Variants in TRDMT1 observed in about 807,000 individuals in gnomAD.
The protein encoded by TRDMT1 is tRNA (cytosine(38)-C(5))-methyltransferase.
Under a neutral mutation model 51.2 loss-of-function variants are expected in TRDMT1, and 49 were observed. That is an observed-to-expected ratio of 0.96 (90% CI 0.76 to 1.21). TRDMT1 has a LOEUF of 1.21. Among genes scored for constraint, TRDMT1 ranks in the 50% most tolerant of loss-of-function variants. TRDMT1 has a pLI of 0.00. For missense variants in TRDMT1, 534 were observed against 462.3 expected, an observed-to-expected ratio of 1.16 and a Z score of -1.42; for synonymous variants, 187 against 164.6, an observed-to-expected ratio of 1.14 and a Z score of -1.04.
intron 1 of TRDMT1, among the ~76,000 whole-genome samples, chr10:17,176,477 C>A (rs1381934896): frequency 6.6e-6 from 1 of 152,050 alleles, no homozygotes; most frequent in Admixed American, 6.6e-5. Context: ...ATATGGTGAT[C>A]CAAAAACTGA....
intron 1 of TRDMT1, among the ~76,000 whole-genome samples, chr10:17,179,384 G>T (rs1241228059): frequency 6.6e-6 from 1 of 151,868 alleles, no homozygotes; most frequent in African/African-American, 2.4e-5. Context: ...GAGGATGCAG[G>T]GACCTCAATT....
At chr10:17,170,746 T>C (rs919428274) in intron 2 of TRDMT1, among the ~76,000 whole-genome samples, 3 of 152,232 alleles carry the variant, frequency 2.0e-5, no homozygotes, top group African/African-American at 4.8e-5. Flanking sequence ...GTGAGTTATA[T>C]AGATTTCTTG....
At position 17,148,602 on chromosome 10, in the gene TRDMT1, A is replaced by G; in HGVS notation, c.*438T>C. ...TAAAGAAATATTTACAGGATTGGAA[A>G]TTAAGTAAAACATTCAATGGGCTAG... On this transcript the variant is annotated 3_prime_UTR_variant, in exon 11 of 11. Coordinates refer to ENST00000377799, the MANE Select transcript of TRDMT1 (RefSeq NM_004412.7). 1 of 975,562 alleles carries G rather than the reference A, an allele frequency of 1.0e-6. No individual in the cohort carries two copies. The highest frequency in any genetic ancestry group is 4.7e-5 in the South Asian group (1 of 21,102). 60.4% of individuals were successfully genotyped at this position (975,562 alleles called of 1,614,324 possible).
At position 17,148,501 on chromosome 10, in the gene TRDMT1, C is replaced by A. The variant is rs1031359393; in HGVS notation, c.*539G>T. Reference sequence around the variant, plus strand: ...AAACATTTAGGATTATTTTTCCTGACATATTCTTCAGTCTGCTGTATAAAC... The same window carrying A: ...AAACATTTAGGATTATTTTTCCTGAAATATTCTTCAGTCTGCTGTATAAAC... On this transcript the variant is annotated 3_prime_UTR_variant, in exon 11 of 11. Transcript: ENST00000377799. 1.0e-6 allele frequency: 1 copy of A among 985,274 alleles called. No individual in the cohort carries two copies. The highest frequency in any genetic ancestry group is 1.2e-6 in the Non-Finnish European group (1 of 829,932). 61.0% of individuals were successfully genotyped at this position (985,274 alleles called of 1,614,324 possible).
intron 1 of TRDMT1, among the ~76,000 whole-genome samples, chr10:17,178,679 A>C (rs1364569661): frequency 2.3e-5 from 2 of 88,206 alleles, no homozygotes; most frequent in East Asian, 4.3e-4. Context: ...CTGTCTCGGA[A>C]AAAAAAAAAA....
chr10:17,143,826 G>T lies in TRDMT1; in HGVS notation c.*5214C>A. 1.0e-6 allele frequency: 1 copy of T among 985,440 alleles called. No individual in the cohort carries two copies. The highest frequency in any genetic ancestry group is 1.2e-6 in the Non-Finnish European group (1 of 829,932). 61.0% of individuals were successfully genotyped at this position (985,440 alleles called of 1,614,324 possible). On this transcript the variant is annotated 3_prime_UTR_variant, in exon 11 of 11. Transcript: ENST00000377799. Reference sequence around the variant, plus strand: ...TTGGTTATGAAGCTTGAACTTGGAAGATGTGGAGACTAACCGTACCATAAA... The same window carrying T: ...TTGGTTATGAAGCTTGAACTTGGAATATGTGGAGACTAACCGTACCATAAA...
At chr10:17,185,621 G>A (rs928747142) in intron 1 of TRDMT1, among the ~76,000 whole-genome samples, 4 of 152,028 alleles carry the variant, frequency 2.6e-5, no homozygotes, top group Admixed American at 6.6e-5. Flanking sequence ...TGTTTATTGC[G>A]GCACTATTCA....
chr10:17,149,009 C>T lies in TRDMT1; in HGVS notation c.*31G>A, dbSNP rs757291640. ...TTACTCTCTGAAAATGAAGGAATAT[C>T]ATATGACCATCTTTCAGAGTTATTT... On this transcript the variant is annotated 3_prime_UTR_variant, in exon 11 of 11. Coordinates refer to ENST00000377799, the MANE Select transcript of TRDMT1 (RefSeq NM_004412.7). 3 of 1,567,286 alleles carry T rather than the reference C, an allele frequency of 1.9e-6. No homozygotes were observed. Among genetic ancestry groups the T allele is most frequent in the Non-Finnish European group, 2.6e-6 (3 of 1,155,894 alleles).
chr10:17,164,537 A>G (rs1487461214), intron 3 of TRDMT1, among the ~76,000 whole-genome samples: 2 of 152,182 alleles, frequency 1.3e-5, no homozygotes. Context: ...GGCAGGAGAA[A>G]GAAATAAAGG....
intron 5 of TRDMT1, among the ~76,000 whole-genome samples, chr10:17,161,281 G>C (rs1588539597): frequency 6.6e-6 from 1 of 152,008 alleles, no homozygotes; most frequent in African/African-American, 2.4e-5. Flanking sequence ...AAATAGAAGA[G>C]AATCAGTTGA....
rs10709345 is a variant in TRDMT1, at chr10:17,179,754, T to TAAA, written c.65-5097_65-5095dup. The stretch of plus-strand genomic sequence containing the variant: ...ACTAGCTGATTCCAATCTCTACTAA[T>TAAA]AAAAAAAAAAAAAAAAAGGAAAAAC... On this transcript the variant is annotated intron_variant, in intron 1 of 10. Coordinates refer to ENST00000377799, the MANE Select transcript of TRDMT1 (RefSeq NM_004412.7). 9.3e-3 allele frequency among the ~76,000 whole-genome samples: 1,179 copies of TAAA among 126,966 alleles called. 16 individuals carry two copies. Among genetic ancestry groups the TAAA allele is most frequent in the African/African-American group, 0.032 (1,094 of 34,530 alleles). 83.3% of individuals were successfully genotyped at this position (126,966 alleles called of 152,430 possible).
At chr10:17,194,965 C>T (rs1430472409) in intron 1 of TRDMT1, among the ~76,000 whole-genome samples, 2 of 119,424 alleles carry the variant, frequency 1.7e-5, no homozygotes, top group Non-Finnish European at 1.7e-5. Flanking sequence ...AAAAAAAAAA[C>T]GCAGATGCTG....
chr10:17,144,626 T>C lies in TRDMT1; in HGVS notation c.*4414A>G, dbSNP rs11254398. 146,788 of 985,232 alleles carry C rather than the reference T, an allele frequency of 0.15. 11,098 individuals are homozygous for C. The highest frequency in any genetic ancestry group is 0.17 in the Admixed American group (2,794 of 16,270). 61.0% of individuals were successfully genotyped at this position (985,232 alleles called of 1,614,324 possible). A position where few individuals can be genotyped will look rare whatever the true frequency, so the allele number is the denominator to read the frequency against. Reference sequence around the variant, plus strand: ...AATACAAAGCCAAAACAGCTCATTGTACATGCTCATATTTCTTGAACAAAT... The same window carrying C: ...AATACAAAGCCAAAACAGCTCATTGCACATGCTCATATTTCTTGAACAAAT... On this transcript the variant is annotated 3_prime_UTR_variant, in exon 11 of 11. Coordinates refer to ENST00000377799, the MANE Select transcript of TRDMT1 (RefSeq NM_004412.7).
chr10:17,147,146 G>C lies in TRDMT1; in HGVS notation c.*1894C>G. ...TATAGCATAATTATTCATAGTTACA[G>C]TAAAACTCTAAACCATTTTATTTAG... On this transcript the variant is annotated 3_prime_UTR_variant, in exon 11 of 11. Transcript: ENST00000377799. The C allele has an allele frequency of 1.0e-6, 1 of 985,704 alleles. No individual in the cohort carries two copies. The highest frequency in any genetic ancestry group is 1.2e-6 in the Non-Finnish European group (1 of 829,816). 61.1% of individuals were successfully genotyped at this position (985,704 alleles called of 1,614,324 possible). A position where few individuals can be genotyped will look rare whatever the true frequency, so the allele number is the denominator to read the frequency against.
At chr10:17,173,672 A>G (rs1013584821) in intron 2 of TRDMT1, among the ~76,000 whole-genome samples, 1 of 152,120 alleles carries the variant, frequency 6.6e-6, no homozygotes, top group Non-Finnish European at 1.5e-5. Context: ...AAAATTACGT[A>G]CAATAAACTA....
In TRDMT1 at chr10:17,143,737, G is replaced by C; in HGVS notation, c.*5303C>G. 1.0e-6 allele frequency: 1 copy of C among 985,426 alleles called. No homozygotes were observed. The highest frequency in any genetic ancestry group is 1.7e-5 in the African/African-American group (1 of 57,364). 61.0% of individuals were successfully genotyped at this position (985,426 alleles called of 1,614,324 possible). ...ATGATCGTTCAGAGGCCTGCCTTAG[G>C]AAGGCCATTTTAACAGAAGCTGACC... On this transcript the variant is annotated 3_prime_UTR_variant, in exon 11 of 11. Transcript: ENST00000377799.
intron 1 of TRDMT1, among the ~76,000 whole-genome samples, chr10:17,185,750 T>C (rs1843804866): frequency 6.6e-6 from 1 of 152,108 alleles, no homozygotes; most frequent in Non-Finnish European, 1.5e-5. Context: ...GTTCATGTCC[T>C]TTGTAGGGAC....
rs568049184 is a variant in TRDMT1 at position 17,141,963 on chromosome 10, C to T, written c.*7077G>A. Among the ~76,000 whole-genome samples, 6 of 152,310 alleles carry T rather than the reference C, an allele frequency of 3.9e-5. No homozygotes were observed. The highest frequency in any genetic ancestry group is 3.9e-4 in the East Asian group (2 of 5,190). ...TGGTTATTTTTCAGTTACATAACTGCCATTTATTTCTATTCTTAAAAATTG... is the reference window on the plus strand; with the variant it reads ...TGGTTATTTTTCAGTTACATAACTGTCATTTATTTCTATTCTTAAAAATTG... On this transcript the variant is annotated 3_prime_UTR_variant, in exon 11 of 11. Coordinates refer to ENST00000377799, the MANE Select transcript of TRDMT1 (RefSeq NM_004412.7).
chr10:17,191,589 A>G (rs1844691067), intron 1 of TRDMT1, among the ~76,000 whole-genome samples: 1 of 152,160 alleles, frequency 6.6e-6, no homozygotes, highest in African/African-American at 2.4e-5. Flanking sequence ...GCCAGGCTGG[A>G]TGGGATGACC....
Sources: allele counts gnomAD v4.1 joint callset (sites outside exome capture counted in the v4.1 genomes callset), GRCh38; gene constraint gnomAD v4.1.1; transcripts MANE v1.5; gene names NCBI Gene and HGNC (gene_info 2026-07-23, HGNC 2026-07-21).